Variants in IGF2BP2 observed in about 807,000 individuals in gnomAD.
IGF2BP2 encodes insulin like growth factor 2 mRNA binding protein 2, also known as insulin-like growth factor 2 mRNA-binding protein 2.
In IGF2BP2, 17 loss-of-function variants were observed where a neutral mutation model predicts 75.8. That is an observed-to-expected ratio of 0.22 (90% CI 0.15 to 0.34). The LOEUF (loss-of-function observed/expected upper bound fraction) is 0.34. IGF2BP2 is among the 10% of genes least tolerant of loss of function. The probability of loss-of-function intolerance (pLI) is 1.00; values close to 1 mark genes in which losing one functional copy is unlikely to be tolerated. For synonymous variants in IGF2BP2, 288 were observed against 295.6 expected (o/e 0.97, Z 0.26); for missense variants, 516 against 772.4 (o/e 0.67, Z 3.93).
chr3:185,709,965 T>A (rs1453824475), intron 2 of IGF2BP2, among the ~76,000 whole-genome samples: 1 of 152,176 alleles, frequency 6.6e-6, no homozygotes, highest in African/African-American at 2.4e-5. Flanking sequence ...ATTCATTCAA[T>A]AAATGTTTAC....
chr3:185,736,580 T>G (rs1198637655), intron 2 of IGF2BP2, among the ~76,000 whole-genome samples: 1 of 152,222 alleles, frequency 6.6e-6, no homozygotes, highest in Admixed American at 6.5e-5. Context: ...TCCACTGGAA[T>G]AGGCCCACTT....
At chr3:185,711,341 AGT>A (rs1188769589) in intron 2 of IGF2BP2, among the ~76,000 whole-genome samples, 2 of 152,190 alleles carry the variant, frequency 1.3e-5, no homozygotes, top group Non-Finnish European at 2.9e-5. Context: ...CTTCTAGGCT[AGT>A]GACATGTGCA....
intron 2 of IGF2BP2, among the ~76,000 whole-genome samples, chr3:185,698,658 C>T (rs1722903384): frequency 6.6e-6 from 1 of 151,990 alleles, no homozygotes; most frequent in African/African-American, 2.4e-5. Context: ...AGACAGAGTC[C>T]TGCTCTGTCA....
chr3:185,722,513 G>A, intron 2 of IGF2BP2: 1 of 297,170 alleles, frequency 3.4e-6, no homozygotes, highest in Admixed American at 5.0e-5. Flanking sequence ...GCTTTCTGGA[G>A]GCGGTACAGT....
chr3:185,687,206 T>A lies in IGF2BP2; in HGVS notation c.678-15A>T, dbSNP rs1204081690. 5 of 1,594,124 alleles carry A rather than the reference T, an allele frequency of 3.1e-6. No homozygotes were observed. In the East Asian group the frequency reaches 6.7e-5, roughly 21 times the overall value. ...GGATATCTACCCTGTAGGAAAAGAA[T>A]CAGGAGCCATGATTACAAGGTCATC... On this transcript the variant is annotated splice_polypyrimidine_tract_variant and intron_variant, in intron 6 of 15. Coordinates refer to ENST00000382199, the MANE Select transcript of IGF2BP2 (RefSeq NM_006548.6).
At chr3:185,670,855 C>T (rs940589729) in intron 10 of IGF2BP2, among the ~76,000 whole-genome samples, 3 of 152,168 alleles carry the variant, frequency 2.0e-5, no homozygotes, top group African/African-American at 7.2e-5. Context: ...CAGGCGTGAG[C>T]CATCATGCCC....
chr3:185,820,201 A>AGT (rs1472092546), intron 2 of IGF2BP2, among the ~76,000 whole-genome samples: 1 of 142,012 alleles, frequency 7.0e-6, no homozygotes, highest in African/African-American at 2.8e-5. Flanking sequence ...CAAGGCATGC[A>AGT]GTATGTGTGT....
intron 2 of IGF2BP2, among the ~76,000 whole-genome samples, chr3:185,764,350 T>A (rs756239176): frequency 1.3e-5 from 2 of 152,168 alleles, no homozygotes; most frequent in African/African-American, 2.4e-5. Flanking sequence ...GGTTATGAGA[T>A]GTCCGAAGCA....
At chr3:185,755,766 T>C (rs999271804) in intron 2 of IGF2BP2, among the ~76,000 whole-genome samples, 1 of 152,218 alleles carries the variant, frequency 6.6e-6, no homozygotes, top group African/African-American at 2.4e-5. Context: ...TTCTCCCTTT[T>C]GGAATGGGAA....
Position 185,657,420 on chromosome 3 carries a change from G to A in IGF2BP2, c.1270-18C>T. On this transcript the variant is annotated intron_variant, in intron 11 of 15. Transcript: ENST00000382199. ...TCTGGATACTGGGAGGGCGAGACAA[G>A]AAAGAAGACATCATTCCAACCAGGC... 1 of 1,573,684 alleles carries A rather than the reference G, an allele frequency of 6.4e-7. No homozygotes were observed. Among genetic ancestry groups the A allele is most frequent in the Non-Finnish European group, 8.7e-7 (1 of 1,144,966 alleles).
chr3:185,735,086 T>C (rs960240779), intron 2 of IGF2BP2, among the ~76,000 whole-genome samples: 4 of 152,196 alleles, frequency 2.6e-5, no homozygotes, highest in Non-Finnish European at 4.4e-5. Flanking sequence ...TAATTTTATG[T>C]GCATTTTATC....
chr3:185,666,286 TAA>T (rs1439728266), intron 10 of IGF2BP2, among the ~76,000 whole-genome samples: 2 of 152,208 alleles, frequency 1.3e-5, no homozygotes, highest in East Asian at 3.8e-4. Flanking sequence ...ATGAAACCAG[TAA>T]AAGTTTAGTT....
chr3:185,796,553 A>G (rs1199475696), intron 2 of IGF2BP2, among the ~76,000 whole-genome samples: 1 of 131,942 alleles, frequency 7.6e-6, no homozygotes, highest in African/African-American at 3.2e-5. Flanking sequence ...TGACAGAGTG[A>G]CATTCCGTCT....
Position 185,644,437 on chromosome 3 carries a change from G to T in IGF2BP2, c.*1094C>A, listed in dbSNP as rs1189628005. 6.6e-6 allele frequency: 1 copy of T among 152,440 alleles called. No homozygotes were observed. Among genetic ancestry groups the T allele is most frequent in the African/African-American group, 2.4e-5 (1 of 41,384 alleles). The allele number at this position is 152,440 out of a possible 1,614,324, so 9.4% of individuals were successfully genotyped here. A position where few individuals can be genotyped will look rare whatever the true frequency, so the allele number is the denominator to read the frequency against. On this transcript the variant is annotated 3_prime_UTR_variant, in exon 16 of 16. Coordinates refer to ENST00000382199, the MANE Select transcript of IGF2BP2 (RefSeq NM_006548.6). ...TTTTCTTTGTTTGGTTGATTGGTTG[G>T]TTTGGTGGGTTCCTGTTTTCCTCTT...
At chr3:185,700,815 G>C (rs183954368) in intron 2 of IGF2BP2, among the ~76,000 whole-genome samples, 71 of 152,080 alleles carry the variant, frequency 4.7e-4, no homozygotes, top group Non-Finnish European at 1.0e-4. Context: ...ATTTACCAAC[G>C]AGAGATGAAT....
intron 2 of IGF2BP2, among the ~76,000 whole-genome samples, chr3:185,698,778 A>ATG (rs2149360900): frequency 6.6e-6 from 1 of 151,292 alleles, no homozygotes; most frequent in African/African-American, 2.4e-5. Flanking sequence ...ACAGGTGCCC[A>ATG]CCACCACACC....
At chr3:185,741,410 C>T (rs1206208887) in intron 2 of IGF2BP2, among the ~76,000 whole-genome samples, 2 of 152,300 alleles carry the variant, frequency 1.3e-5, no homozygotes, top group South Asian at 4.1e-4. Flanking sequence ...CTTCATAAAT[C>T]TCAAAGCTGA....
intron 2 of IGF2BP2, among the ~76,000 whole-genome samples, chr3:185,755,049 G>A (rs1731429807): frequency 6.6e-6 from 1 of 152,202 alleles, no homozygotes; most frequent in African/African-American, 2.4e-5. Flanking sequence ...ATGACTAAAA[G>A]GGAGCCAAGT....
intron 2 of IGF2BP2, among the ~76,000 whole-genome samples, chr3:185,814,855 G>C (rs947914575): frequency 1.3e-5 from 2 of 152,068 alleles, no homozygotes; most frequent in Non-Finnish European, 2.9e-5. Flanking sequence ...ACTTTTTCAC[G>C]TGTCAAAGAG....
Sources: allele counts gnomAD v4.1 joint callset (sites outside exome capture counted in the v4.1 genomes callset), GRCh38; gene constraint gnomAD v4.1.1; transcripts MANE v1.5; gene names NCBI Gene and HGNC (gene_info 2026-07-23, HGNC 2026-07-21).